Variants in NLRC3 observed in about 807,000 individuals in gnomAD.
The protein encoded by NLRC3 is NLR family CARD domain containing 3, also known as NLR family CARD domain-containing protein 3.
NLRC3 carries 87 observed loss-of-function variants against 91.6 expected under a neutral mutation model. The observed-to-expected ratio is 0.95, with a 90% CI of 0.80 to 1.14. The LOEUF is 1.14. Among genes scored for constraint, NLRC3 ranks in the 50% most tolerant of loss-of-function variants. NLRC3 has a pLI of 0.00. For missense variants in NLRC3, 1,577 were observed against 1,418.6 expected (o/e 1.11, Z -1.79); for synonymous variants, 694 against 625.3 (o/e 1.11, Z -1.64).
chr16:3,565,022 C>T lies in NLRC3; in HGVS notation c.15G>A (p.Glu5=). The change falls in exon 4 of 20, where the codon GAG becomes GAA. Residue 5 remains glutamate, a synonymous_variant. Coordinates refer to ENST00000359128, the MANE Select transcript of NLRC3 (RefSeq NM_178844.4). MRKQ[E]VRTGREAGQG... ...GGCCGGCCTCCCTGCCCGTCCGCAC[C>T]TCTTGCTTCCTCATGGAGTCGGGGA... is the stretch of plus-strand genomic sequence containing the variant. 6.2e-7 allele frequency: 1 copy of T among 1,609,736 alleles called. No homozygotes were observed. The highest frequency in any genetic ancestry group is 8.5e-7 in the Non-Finnish European group (1 of 1,179,692).
At chr16:3,546,450 G>C (rs573176567) in intron 15 of NLRC3, among the ~76,000 whole-genome samples, 2 of 151,722 alleles carry the variant, frequency 1.3e-5, no homozygotes, top group East Asian at 3.9e-4. Context: ...CCAGCTACTC[G>C]GGAGGCTAAG....
rs755743607 is a variant in NLRC3, at chr16:3,549,177, A to G, written c.2568T>C (p.His856=). Residue 856 remains histidine (H), a synonymous_variant, in exon 13 of 20, where the codon CAT becomes CAC. Coordinates refer to ENST00000359128, the MANE Select transcript of NLRC3 (RefSeq NM_178844.4). ...TCAGGGTGCTGTTGGCGCAGAGGGC[A>G]TGAGCGATGGCCTGGGCTCCCTCGG... ...ISPEGAQAIA[H]ALCANSTLKN... is the part of the protein sequence containing the mutation. 6.9e-6 allele frequency: 11 copies of G among 1,588,252 alleles called. No homozygotes were observed. The South Asian group carries it at 1.2e-4, about 17-fold the overall frequency.
Position 3,564,397 on chromosome 16 carries a change from C to T in NLRC3, c.540G>A (p.Arg180=). 2 of 1,612,672 alleles carry T rather than the reference C, an allele frequency of 1.2e-6. No homozygotes were observed. The change falls in exon 5 of 20, where the codon CGG becomes CGA. Residue 180 remains arginine, a synonymous_variant. Transcript: ENST00000359128. This position sits in a 1 kb window ranked among gnomAD's most constrained non-coding sequence, Gnocchi z 5.9. ...DFSLVLPLTF[R]DLNTHEKLCA... is the part of the protein sequence containing the mutation. ...ACAGCTTCTCGTGGGTGTTGAGATC[C>T]CGGAAGGTCAGAGGCAGCACCAGCG... is the stretch of plus-strand genomic sequence containing the variant.
chr16:3,571,404 G>T (rs1487476839), intron 1 of NLRC3, among the ~76,000 whole-genome samples: 1 of 151,422 alleles, frequency 6.6e-6, no homozygotes, highest in Non-Finnish European at 1.5e-5. Flanking sequence ...AAATAGATGG[G>T]GCTGGTGGTG....
Position 3,549,727 on chromosome 16 carries a change from AG to A in NLRC3, c.2488del (p.Leu830SerfsTer35). The A allele has an allele frequency of 6.4e-7, 1 of 1,551,234 alleles. No individual in the cohort carries two copies. The highest frequency in any genetic ancestry group is 8.7e-7 in the Non-Finnish European group (1 of 1,146,816). The part of the protein sequence containing the change: ...DAGVAALMGA[L>X]CTNQTLLSLS... ...GCTGAGGAGGGTCTGGTTGGTGCAGAGGGCCCCCATCAGTGCTGCCACTCCT... is the reference window on the plus strand; with the variant it reads ...GCTGAGGAGGGTCTGGTTGGTGCAGAGGCCCCCATCAGTGCTGCCACTCCT... On this transcript the variant is annotated frameshift_variant, in exon 12 of 20. Transcript: ENST00000359128. LOFTEE classifies it high-confidence loss of function.
In NLRC3 at chr16:3,542,192, T is replaced by C; in HGVS notation, c.3106A>G (p.Asn1036Asp). ...AGCAGGAAGGGCAGGTGCACTCACT[T>C]GATATGCTGGAGCCTGTGGTTTCCA... ...LSGNHRLQHI[N>D]LQGNHIGDSG... Residue 1036 changes from asparagine (N) to aspartate (D), a missense_variant and splice_region_variant, in exon 19 of 20, where the codon AAT becomes GAT. Coordinates refer to ENST00000359128, the MANE Select transcript of NLRC3 (RefSeq NM_178844.4). 1.3e-6 allele frequency: 2 copies of C among 1,574,436 alleles called. No homozygotes were observed. The highest frequency in any genetic ancestry group is 1.4e-5 in the African/African-American group (1 of 74,034).
intron 5 of NLRC3, 145 bp from the exon 6 acceptor site, chr16:3,561,933 C>A: frequency 1.6e-6 from 1 of 628,642 alleles, no homozygotes; most frequent in East Asian, 2.8e-5. Context: ...GTGCTCAGAC[C>A]TTTCCCGTGA....
chr16:3,555,841 C>G (rs2039283942), intron 8 of NLRC3: 1 of 152,056 alleles, frequency 6.6e-6, no homozygotes, highest in South Asian at 2.1e-4. Context: ...CTTGGCCTCC[C>G]AAAGTGCTGG....
Position 3,564,949 on chromosome 16 carries a change from C to T in NLRC3, c.88G>A (p.Asp30Asn), listed in dbSNP as rs1419443133. The T allele has an allele frequency of 6.2e-7, 1 of 1,610,750 alleles. No homozygotes were observed. Among genetic ancestry groups the T allele is most frequent in the East Asian group, 2.2e-5 (1 of 44,884 alleles). The change falls in exon 4 of 20, where the codon GAT (aspartate) becomes AAT (asparagine). Residue 30 changes from aspartate to asparagine, a missense_variant. Coordinates refer to ENST00000359128, the MANE Select transcript of NLRC3 (RefSeq NM_178844.4). The surrounding 1 kb of genome is among the most constrained non-coding windows in gnomAD (Gnocchi z 5.9). ...TGACTGCCCTTCCCAGCCAGCAGATCCATGAGGGCTTTCACCTGCTCGGCT... is the reference window on the plus strand; with the variant it reads ...TGACTGCCCTTCCCAGCCAGCAGATTCATGAGGGCTTTCACCTGCTCGGCT... ...SPAEQVKALM[D>N]LLAGKGSQGS...
Position 3,564,178 on chromosome 16 carries a change from G to A in NLRC3, c.759C>T (p.Ile253=), listed in dbSNP as rs746502316. 5.6e-6 allele frequency: 9 copies of A among 1,613,496 alleles called. No homozygotes were observed. The African/African-American group carries it at 8.0e-5, about 14-fold the overall frequency. Reference sequence around the variant, plus strand: ...AAACTTCCGGAAAGAGGTTGCCACGGATGATGTTGGTGATCAGGTGGTCCA... The same window carrying A: ...AAACTTCCGGAAAGAGGTTGCCACGAATGATGTTGGTGATCAGGTGGTCCA... ...IPVDHLITNI[I]RGNLFPEVSI... is the part of the protein sequence containing the mutation. Residue 253 remains isoleucine (I), a synonymous_variant, in exon 5 of 20, where the codon ATC becomes ATT. Transcript: ENST00000359128. The surrounding 1 kb of genome is among the most constrained non-coding windows in gnomAD (Gnocchi z 5.9).
intron 10 of NLRC3, among the ~76,000 whole-genome samples, 195 bp downstream of exon 10, chr16:3,551,981 TCATCCATCCATCCATCCATC>T (rs56287077): frequency 6.8e-6 from 1 of 147,354 alleles, no homozygotes; most frequent in Non-Finnish European, 1.5e-5. Context: ...ATCCCTTCAT[TCATCCATCCATCCATCCATC>T]CATCCATCCA....
intron 18 of NLRC3, 70 bp downstream of exon 18, chr16:3,542,622 T>G: frequency 1.2e-6 from 1 of 867,744 alleles, no homozygotes; most frequent in East Asian, 2.6e-5. Flanking sequence ...GAGCATTTTA[T>G]TCCATCAGGG....
chr16:3,568,644 T>C (rs2039975392), intron 1 of NLRC3, among the ~76,000 whole-genome samples: 1 of 152,180 alleles, frequency 6.6e-6, no homozygotes, highest in African/African-American at 2.4e-5. Context: ...AGAGGACTGC[T>C]TGAGCCTGGG....
rs1253238380 is a variant in NLRC3, at chr16:3,563,004, T to C, written c.1928+5A>G. The C allele has an allele frequency of 2.3e-5, 36 of 1,550,314 alleles. No individual in the cohort carries two copies. The highest frequency in any genetic ancestry group is 3.0e-5 in the Non-Finnish European group (35 of 1,147,676). Reference sequence around the variant, plus strand: ...CCAGCCCCTGCCCCCTGCCCTGGTATCCACCTGAGCTTCCGGCAGTAGAGC... The same window carrying C: ...CCAGCCCCTGCCCCCTGCCCTGGTACCCACCTGAGCTTCCGGCAGTAGAGC... On this transcript the variant is annotated splice_donor_5th_base_variant and intron_variant, in intron 5 of 19. Transcript: ENST00000359128.
chr16:3,553,070 A>G (rs1158719533), intron 9 of NLRC3, among the ~76,000 whole-genome samples: 3 of 152,326 alleles, frequency 2.0e-5, no homozygotes, highest in East Asian at 3.9e-4. Context: ...TCATCCTACA[A>G]GGACAGGCAG....
At position 3,542,672 on chromosome 16, in the gene NLRC3, A is replaced by G. The variant is rs774342020; in HGVS notation, c.3023+20T>C. The G allele has an allele frequency of 4.0e-6, 6 of 1,516,578 alleles. No individual in the cohort carries two copies. The highest frequency in any genetic ancestry group is 3.4e-5 in the Admixed American group (2 of 58,336). 93.9% of individuals were successfully genotyped at this position (1,516,578 alleles called of 1,614,324 possible). On this transcript the variant is annotated intron_variant, in intron 18 of 19. Coordinates refer to ENST00000359128, the MANE Select transcript of NLRC3 (RefSeq NM_178844.4). ...AACTCTGCTGCTCCAGGATGCAGGT[A>G]GGTCCCTCCAGCCACTTACTTGAGT...
chr16:3,560,126 G>A (rs1398419975), intron 6 of NLRC3, among the ~76,000 whole-genome samples: 1 of 152,020 alleles, frequency 6.6e-6, no homozygotes, highest in East Asian at 1.9e-4. Flanking sequence ...TGAGAATGAA[G>A]AATTACCCCT....
intron 1 of NLRC3, among the ~76,000 whole-genome samples, chr16:3,573,521 C>T (rs569835016): frequency 3.9e-5 from 6 of 152,180 alleles, no homozygotes; most frequent in Non-Finnish European, 7.3e-5. Context: ...TGCCAGAGGC[C>T]AGGATACGGG....
chr16:3,549,899 TGGTGG>T, intron 11 of NLRC3, 119 bp from the exon 12 acceptor site: 1 of 642,068 alleles, frequency 1.6e-6, no homozygotes, highest in South Asian at 1.9e-5. Context: ...CCAGGGACAG[TGGTGG>T]CCACACTGCT....
Sources: gnomAD v4.1 joint callset for allele counts (sites outside exome capture counted in the v4.1 genomes callset) on GRCh38, gnomAD v4.1.1 for gene constraint, Gnocchi (gnomAD v3.1) non-coding constraint, MANE v1.5 for transcripts, NCBI Gene and HGNC (gene_info 2026-07-23, HGNC 2026-07-21) for gene names.